TNK2: variants seen among roughly 807,000 people sequenced by gnomAD.
TNK2 encodes the protein activated CDC42 kinase 1.
A neutral mutation model predicts 101.8 loss-of-function variants in TNK2; 83 were observed. That is an observed-to-expected ratio of 0.82 (90% CI 0.68 to 0.98). The LOEUF (loss-of-function observed/expected upper bound fraction) is 0.98, where lower values mean the gene tolerates loss of function less well. Ranked by LOEUF, TNK2 falls within the 50% of genes least tolerant of loss-of-function variation. The pLI is 0.00. For synonymous variants in TNK2, 804 were observed against 633.0 expected, an observed-to-expected ratio of 1.27 and a Z score of -4.06; for missense variants, 1,665 against 1,483.2, an observed-to-expected ratio of 1.12 and a Z score of -2.01.
chr3:195,887,085 G>A (rs777147517), intron 2 of TNK2, 38 bp from the exon 3 acceptor site: 28 of 1,606,526 alleles, frequency 1.7e-5, no homozygotes, highest in South Asian at 5.5e-5. Flanking sequence ...TGTGAAGGCC[G>A]CCGTAGCCCG....
intron 1 of TNK2, among the ~76,000 whole-genome samples, chr3:195,906,610 G>A (rs931547205): frequency 2.0e-5 from 3 of 149,986 alleles, no homozygotes; most frequent in African/African-American, 4.9e-5. Flanking sequence ...GGATGGAGGG[G>A]TTCCACAAGA....
At position 195,866,982 on chromosome 3, in the gene TNK2, C is replaced by G. The variant is rs745898054; in HGVS notation, c.3068G>C (p.Arg1023Thr). 1 of 1,613,176 alleles carries G rather than the reference C, an allele frequency of 6.2e-7. No homozygotes were observed. ...EQLFGLGLRP[R>T]GECHKVLEMF... is the part of the protein sequence containing the mutation. ...CTCCAGCACTTTGTGGCACTCCCCT[C>G]TGGGCCGCAGACCCAGCCCGAAGAG... Residue 1023 changes from arginine (R) to threonine (T), a missense_variant, in exon 15 of 16, where the codon AGA becomes ACA. Physicochemically the swap from Arg to Thr is moderately conservative, Grantham distance 71. Coordinates refer to ENST00000672887, the MANE Select transcript of TNK2 (RefSeq NM_001382273.1).
rs199549073 is a variant in TNK2 at position 195,868,353 on chromosome 3, C to T, written c.1945G>A (p.Ala649Thr). 451 of 1,583,076 alleles carry T rather than the reference C, an allele frequency of 2.8e-4. 2 individuals are homozygous for T. The East Asian group carries it at 3.0e-3, about 11-fold the overall frequency. The change falls in exon 13 of 16, where the codon GCC (alanine) becomes ACC (threonine). Residue 649 changes from alanine (A) to threonine (T), a missense_variant. Ala to Thr is a moderately conservative substitution (Grantham distance 58). Coordinates refer to ENST00000672887, the MANE Select transcript of TNK2 (RefSeq NM_001382273.1). Reference protein sequence around the residue: ...WDARPLPPPPAYDDVAQDEDD... With the variant: ...WDARPLPPPPTYDDVAQDEDD... ...TCATCCTGGGCCACGTCGTCATAGG[C>T]GGGCGGGGGGGGCAGCGGGCGTGCG...
Position 195,872,329 on chromosome 3 carries a change from C to T in TNK2, c.1398G>A (p.Gly466=). 6.2e-7 allele frequency: 1 copy of T among 1,613,316 alleles called. No individual in the cohort carries two copies. Among genetic ancestry groups the T allele is most frequent in the Non-Finnish European group, 8.5e-7 (1 of 1,179,938 alleles). The change falls in exon 10 of 16, where the codon GGG becomes GGA. Residue 466 remains glycine, a synonymous_variant. Coordinates refer to ENST00000672887, the MANE Select transcript of TNK2 (RefSeq NM_001382273.1). ...QPLQNSFIHT[G]HGDSDPRHCW... is the part of the protein sequence containing the mutation. ...AGTGGCGGGGGTCACTGTCGCCATG[C>T]CCTGTGTGGATGAAGCTGTTCTGCA...
intron 11 of TNK2, 24 bp downstream of exon 11, chr3:195,870,090 A>G: frequency 7.0e-7 from 1 of 1,436,524 alleles, no homozygotes; most frequent in Non-Finnish European, 9.2e-7. Flanking sequence ...AGTTAGGGAC[A>G]CCAGGGAGCA....
intron 4 of TNK2, chr3:195,884,169 G>A (rs1420538932): frequency 6.6e-6 from 1 of 152,196 alleles, no homozygotes; most frequent in Non-Finnish European, 1.5e-5. Context: ...GATTTTAAAA[G>A]CTGTATCCAG....
chr3:195,892,681 G>C, intron 1 of TNK2: 2 of 1,405,450 alleles, frequency 1.4e-6, no homozygotes, highest in Non-Finnish European at 1.8e-6. Context: ...AGGGAGCAGA[G>C]CTTTCCTCAC....
intron 1 of TNK2, among the ~76,000 whole-genome samples, chr3:195,907,425 C>G (rs1310484747): frequency 3.9e-5 from 6 of 152,246 alleles, no homozygotes; most frequent in Admixed American, 3.3e-4. Flanking sequence ...CTGGGTCCAT[C>G]TGACTCACAG....
chr3:195,897,000 C>A (rs1004987995), intron 1 of TNK2, among the ~76,000 whole-genome samples: 3 of 152,212 alleles, frequency 2.0e-5, no homozygotes, highest in African/African-American at 7.2e-5. Context: ...TATGCCAACC[C>A]TACCTCCCAG....
chr3:195,897,500 CAT>C (rs985048974), intron 1 of TNK2, among the ~76,000 whole-genome samples: 5 of 152,160 alleles, frequency 3.3e-5, no homozygotes, highest in African/African-American at 7.2e-5. Context: ...CTTCACCCCA[CAT>C]GTTTTTTGTT....
rs771560811 is a variant in TNK2 at position 195,870,211 on chromosome 3, G to A, written c.1452-6C>T. On this transcript the variant is annotated splice_polypyrimidine_tract_variant and splice_region_variant and intron_variant, in intron 10 of 15. Coordinates refer to ENST00000672887, the MANE Select transcript of TNK2 (RefSeq NM_001382273.1). Reference sequence around the variant, plus strand: ...TGGGGTTTCCCAGATACAGTCTGTGGGGGAGAGAGCTGGGTCAAGAGAGCA... The same window carrying A: ...TGGGGTTTCCCAGATACAGTCTGTGAGGGAGAGAGCTGGGTCAAGAGAGCA... 1.2e-5 allele frequency: 19 copies of A among 1,596,618 alleles called. No individual in the cohort carries two copies. Among genetic ancestry groups the A allele is most frequent in the East Asian group, 4.5e-5 (2 of 44,250 alleles).
Position 195,882,625 on chromosome 3 carries a change from A to C in TNK2, c.610-297T>G. On this transcript the variant is annotated intron_variant, in intron 5 of 15. Coordinates refer to ENST00000672887, the MANE Select transcript of TNK2 (RefSeq NM_001382273.1). This position sits in a 1 kb window ranked among gnomAD's most constrained non-coding sequence, Gnocchi z 4.2. ...GTAATCCCAGCACTTTGGGAGGCCGAGGTGGGTGGATCATTTGAGGTCAGG... is the reference window on the plus strand; with the variant it reads ...GTAATCCCAGCACTTTGGGAGGCCGCGGTGGGTGGATCATTTGAGGTCAGG... 9.7e-7 allele frequency: 1 copy of C among 1,027,474 alleles called. No individual in the cohort carries two copies. The highest frequency in any genetic ancestry group is 1.4e-6 in the Non-Finnish European group (1 of 724,946). 63.6% of individuals were successfully genotyped at this position (1,027,474 alleles called of 1,614,324 possible).
Position 195,878,986 on chromosome 3 carries a change from G to T in TNK2, c.1014+63C>A. ...TGAGAGGCAGTTCCAGCAGGGCCAG[G>T]CTGCAAGCAGGGAATGGAATTCACC... is the stretch of plus-strand genomic sequence containing the variant. On this transcript the variant is annotated intron_variant, in intron 7 of 15. Transcript: ENST00000672887. The surrounding 1 kb of genome is among the most constrained non-coding windows in gnomAD (Gnocchi z 4.7). 2 of 1,588,506 alleles carry T rather than the reference G, an allele frequency of 1.3e-6. No homozygotes were observed. The highest frequency in any genetic ancestry group is 8.6e-7 in the Non-Finnish European group (1 of 1,168,208).
chr3:195,879,334 TGAC>T, intron 6 of TNK2, 159 bp from the exon 7 acceptor site: 1 of 1,039,284 alleles, frequency 9.6e-7, no homozygotes, highest in African/African-American at 1.6e-5. Context: ...CAGGACCCCT[TGAC>T]GACACGATGC....
chr3:195,901,067 A>T (rs774464863), intron 1 of TNK2, among the ~76,000 whole-genome samples: 9 of 152,220 alleles, frequency 5.9e-5, no homozygotes, highest in Non-Finnish European at 1.3e-4. Flanking sequence ...AAGACCCAGG[A>T]GCTGGGAACA....
chr3:195,890,139 G>A (rs539705404), intron 1 of TNK2, among the ~76,000 whole-genome samples: 25 of 152,356 alleles, frequency 1.6e-4, no homozygotes, highest in African/African-American at 5.5e-4. Context: ...CTTCCACCTC[G>A]GCGACCGGGC....
At chr3:195,889,034 G>A (rs776768890) in intron 1 of TNK2, among the ~76,000 whole-genome samples, 3 of 152,076 alleles carry the variant, frequency 2.0e-5, no homozygotes, top group Non-Finnish European at 2.9e-5. Flanking sequence ...AATGTGCCCC[G>A]AGACCCATCT....
chr3:195,892,118 G>A (rs1560536098), intron 1 of TNK2: 2 of 626,862 alleles, frequency 3.2e-6, no homozygotes, highest in South Asian at 4.9e-5. Flanking sequence ...GGGCATGGCT[G>A]CAGCTCCTCC....
chr3:195,891,604 T>A (rs1247305054), intron 1 of TNK2, among the ~76,000 whole-genome samples: 3 of 151,788 alleles, frequency 2.0e-5, no homozygotes, highest in African/African-American at 7.3e-5. Context: ...CTAGGCAGCG[T>A]CTCCTCTCCA....
Sources: allele counts gnomAD v4.1 joint callset (sites outside exome capture counted in the v4.1 genomes callset), GRCh38; gene constraint gnomAD v4.1.1; non-coding constraint Gnocchi (gnomAD v3.1); transcripts MANE v1.5; gene names NCBI Gene and HGNC (gene_info 2026-07-23, HGNC 2026-07-21).